DPYS: variants seen among roughly 807,000 people sequenced by gnomAD.
DPYS encodes dihydropyrimidinase, also known as dihydropyrimidine amidohydrolase.
DPYS carries 39 observed loss-of-function variants against 50.3 expected under a neutral mutation model. The ratio of observed to expected loss-of-function variants is 0.78; its 90% CI spans 0.60 to 1.01. The LOEUF is 1.01. Among genes scored for constraint, DPYS ranks in the 50% least tolerant of loss-of-function variants. The probability of loss-of-function intolerance (pLI) is 0.00; values close to 1 mark genes in which losing one functional copy is unlikely to be tolerated. For missense variants in DPYS, 659 were observed against 680.9 expected, an observed-to-expected ratio of 0.97 and a Z score of 0.36; for synonymous variants, 245 against 250.7, an observed-to-expected ratio of 0.98 and a Z score of 0.22.
In DPYS at chr8:104,381,296, C is replaced by A; in HGVS notation, c.1462G>T (p.Val488Leu). The A allele has an allele frequency of 6.2e-7, 1 of 1,614,178 alleles. No homozygotes were observed. Among genetic ancestry groups the A allele is most frequent in the African/African-American group, 1.3e-5 (1 of 75,048 alleles). ...TCTCCCTTATAGGGTGCACGCTCCA[C>A]AGGGGTAGGTGTGCAAGTCTGAAAG... ...QRDRTCTPTP[V>L]ERAPYKGEVA... Residue 488 changes from valine (V) to leucine (L), a missense_variant, in exon 9 of 10, where the codon GTG becomes TTG. Val to Leu is a conservative substitution (Grantham distance 32, BLOSUM62 1). Transcript: ENST00000351513.
At chr8:104,384,282 A>G (rs1470597665) in intron 8 of DPYS, among the ~76,000 whole-genome samples, 2 of 152,164 alleles carry the variant, frequency 1.3e-5, no homozygotes, top group Non-Finnish European at 1.5e-5. Flanking sequence ...TAACCTTTTA[A>G]TATTTGCTCA....
intron 4 of DPYS, among the ~76,000 whole-genome samples, chr8:104,436,613 C>G (rs1813158262): frequency 6.6e-6 from 1 of 151,816 alleles, no homozygotes; most frequent in Admixed American, 6.6e-5. Context: ...CAAAACAAAA[C>G]AAAACCCTGA....
At chr8:104,385,494 G>T (rs898587043) in intron 8 of DPYS, among the ~76,000 whole-genome samples, 1 of 152,134 alleles carries the variant, frequency 6.6e-6, no homozygotes. Context: ...GTACATGCTG[G>T]TCAAGATTAG....
At chr8:104,383,409 G>A (rs1811119452) in intron 8 of DPYS, among the ~76,000 whole-genome samples, 1 of 152,100 alleles carries the variant, frequency 6.6e-6, no homozygotes, top group South Asian at 2.1e-4. Context: ...ACAGAGGGCC[G>A]GTGTGCTGCT....
At chr8:104,428,225 G>C (rs1035879070) in intron 5 of DPYS, 104 bp from the exon 6 acceptor site, 8 of 1,486,112 alleles carry the variant, frequency 5.4e-6, no homozygotes, top group Non-Finnish European at 7.5e-6. Context: ...CTCAATTGAA[G>C]TCAGAAAAAT....
chr8:104,437,032 A>G (rs1454939591), intron 4 of DPYS, among the ~76,000 whole-genome samples: 8 of 152,206 alleles, frequency 5.3e-5, no homozygotes, highest in Non-Finnish European at 2.9e-5. Flanking sequence ...GTAAACAAAA[A>G]TATTTCCTAA....
chr8:104,382,767 T>A (rs111304067), intron 8 of DPYS, among the ~76,000 whole-genome samples: 1 of 152,136 alleles, frequency 6.6e-6, no homozygotes, highest in Non-Finnish European at 1.5e-5. Context: ...AGGGCTTGAC[T>A]TCTCTCTGCT....
chr8:104,382,589 C>A (rs1206912111), intron 8 of DPYS, among the ~76,000 whole-genome samples: 8 of 148,678 alleles, frequency 5.4e-5, no homozygotes, highest in African/African-American at 2.0e-4. Flanking sequence ...AGCCAGACTG[C>A]CTGAATATCA....
intron 7 of DPYS, chr8:104,421,035 G>A (rs778120234): frequency 1.3e-5 from 2 of 152,156 alleles, no homozygotes; most frequent in African/African-American, 4.8e-5. Context: ...TTTTACATAT[G>A]AAAGAGTGGA....
chr8:104,399,696 C>G (rs1182976725), intron 7 of DPYS, among the ~76,000 whole-genome samples: 2 of 151,578 alleles, frequency 1.3e-5, no homozygotes, highest in Non-Finnish European at 2.9e-5. Context: ...GGTGAAACCC[C>G]GTCTCTACTA....
At chr8:104,431,071 G>T (rs780837720) in intron 4 of DPYS, among the ~76,000 whole-genome samples, 2 of 152,130 alleles carry the variant, frequency 1.3e-5, no homozygotes, top group Admixed American at 1.3e-4. Flanking sequence ...CCAAGGGAAC[G>T]TCTTACAGAT....
chr8:104,405,874 G>A (rs1040461220), intron 7 of DPYS, among the ~76,000 whole-genome samples: 1 of 152,226 alleles, frequency 6.6e-6, no homozygotes, highest in Non-Finnish European at 1.5e-5. Flanking sequence ...TGAGCTGCCC[G>A]CCACAGCCAG....
intron 5 of DPYS, among the ~76,000 whole-genome samples, chr8:104,428,760 T>C (rs1214544456): frequency 6.6e-6 from 1 of 152,152 alleles, no homozygotes; most frequent in Non-Finnish European, 1.5e-5. Context: ...CATGAAAAAC[T>C]CTTAGCTTGA....
At chr8:104,437,243 A>G (rs988034801) in intron 4 of DPYS, among the ~76,000 whole-genome samples, 5 of 152,136 alleles carry the variant, frequency 3.3e-5, no homozygotes, top group African/African-American at 9.7e-5. Flanking sequence ...TAAAAGGCCT[A>G]CTACTAAATA....
intron 7 of DPYS, among the ~76,000 whole-genome samples, chr8:104,412,453 CA>C (rs1406440598): frequency 6.6e-6 from 1 of 151,626 alleles, no homozygotes; most frequent in African/African-American, 2.4e-5. Flanking sequence ...GGGTGGGTGC[CA>C]ATATTATATA....
intron 1 of DPYS, among the ~76,000 whole-genome samples, chr8:104,466,235 G>A (rs1291220915): frequency 6.6e-6 from 1 of 152,166 alleles, no homozygotes; most frequent in African/African-American, 2.4e-5. Flanking sequence ...AAATGGTTGG[G>A]AGAAATGGCT....
chr8:104,381,162 T>C, intron 9 of DPYS, 22 bp downstream of exon 9: 1 of 1,595,216 alleles, frequency 6.3e-7, no homozygotes, highest in Non-Finnish European at 8.6e-7. Flanking sequence ...CAGGAAGACT[T>C]TTCTTGCCTA....
At chr8:104,446,609 C>T (rs1026025364) in intron 3 of DPYS, among the ~76,000 whole-genome samples, 1 of 152,126 alleles carries the variant, frequency 6.6e-6, no homozygotes, top group African/African-American at 2.4e-5. Flanking sequence ...AATTTAAACC[C>T]TGGTCTGTTT....
chr8:104,394,071 C>A (rs1211938313), intron 7 of DPYS, among the ~76,000 whole-genome samples: 1 of 152,190 alleles, frequency 6.6e-6, no homozygotes, highest in Non-Finnish European at 1.5e-5. Context: ...GTTTTCCATT[C>A]CTGAGTTACT....
Sources: gnomAD v4.1 joint callset for allele counts (sites outside exome capture counted in the v4.1 genomes callset) on GRCh38, gnomAD v4.1.1 for gene constraint, MANE v1.5 for transcripts, NCBI Gene and HGNC (gene_info 2026-07-23, HGNC 2026-07-21) for gene names.